Variants in CNTNAP2 observed in about 807,000 individuals in gnomAD.
The protein encoded by CNTNAP2 is contactin associated protein 2, also known as contactin-associated protein-like 2.
CNTNAP2 carries 98 observed loss-of-function variants against 155.2 expected under a neutral mutation model. That is an observed-to-expected ratio of 0.63 (90% CI 0.54 to 0.75). CNTNAP2 has a LOEUF of 0.75. CNTNAP2 is among the 30% of genes least tolerant of loss of function. The pLI, the probability that CNTNAP2 is intolerant of heterozygous loss-of-function variation, is 0.00. For missense variants in CNTNAP2, 1,727 were observed against 1,688.1 expected, an observed-to-expected ratio of 1.02 and a Z score of -0.40; for synonymous variants, 651 against 631.2, an observed-to-expected ratio of 1.03 and a Z score of -0.47.
At chr7:146,759,765 G>C (rs1011523126) in intron 1 of CNTNAP2, among the ~76,000 whole-genome samples, 3 of 150,656 alleles carry the variant, frequency 2.0e-5, no homozygotes, top group African/African-American at 4.9e-5. Context: ...AGTTATAAAT[G>C]GATGGGCATT....
At chr7:147,682,589 T>C (rs1228299812) in intron 13 of CNTNAP2, among the ~76,000 whole-genome samples, 2 of 151,918 alleles carry the variant, frequency 1.3e-5, no homozygotes, top group East Asian at 1.9e-4. Flanking sequence ...TGGTGCATAA[T>C]TGTCGGGTGA....
chr7:146,471,022 C>T (rs531732642), intron 1 of CNTNAP2, among the ~76,000 whole-genome samples: 4 of 152,102 alleles, frequency 2.6e-5, no homozygotes, highest in East Asian at 1.9e-4. Context: ...CTGTTTGTAA[C>T]GATACTTACA....
At chr7:148,208,408 T>A (rs1010893262) in intron 18 of CNTNAP2, among the ~76,000 whole-genome samples, 1 of 152,120 alleles carries the variant, frequency 6.6e-6, no homozygotes, top group African/African-American at 2.4e-5. Context: ...TTGGGAGTGA[T>A]GGAGATGAGG....
intron 15 of CNTNAP2, among the ~76,000 whole-genome samples, chr7:148,018,270 A>G (rs2116914633): frequency 6.6e-6 from 1 of 152,156 alleles, no homozygotes; most frequent in South Asian, 2.1e-4. Flanking sequence ...GTTTATGGGG[A>G]CTCTGTAAAT....
intron 3 of CNTNAP2, among the ~76,000 whole-genome samples, chr7:146,920,466 C>T (rs1021288198): frequency 6.6e-6 from 1 of 151,534 alleles, no homozygotes; most frequent in Non-Finnish European, 1.5e-5. Flanking sequence ...TTACCTTGAT[C>T]TAATCATGCC....
intron 11 of CNTNAP2, among the ~76,000 whole-genome samples, chr7:147,534,051 G>A (rs531533313): frequency 3.9e-5 from 6 of 152,258 alleles, no homozygotes; most frequent in East Asian, 1.9e-4. Flanking sequence ...TAGAATTTAC[G>A]CAATTCTCTA....
At chr7:146,596,595 C>CAGACAGAGAGAGAGAGAG (rs71165017) in intron 1 of CNTNAP2, among the ~76,000 whole-genome samples, 7 of 105,076 alleles carry the variant, frequency 6.7e-5, no homozygotes, top group South Asian at 7.8e-4. Flanking sequence ...AGAAGGGAGA[C>CAGACAGAGAGAGAGAGAG]AGAGAGAGAG....
intron 8 of CNTNAP2, among the ~76,000 whole-genome samples, chr7:147,135,263 A>T (rs1801455453): frequency 1.3e-5 from 2 of 151,834 alleles, no homozygotes; most frequent in South Asian, 2.1e-4. Context: ...ATTCAGTCAA[A>T]CTCAGTAGCC....
chr7:147,220,434 T>C (rs957530195), intron 8 of CNTNAP2, among the ~76,000 whole-genome samples: 9 of 152,204 alleles, frequency 5.9e-5, no homozygotes, highest in East Asian at 1.9e-4. Flanking sequence ...ATTCTGACAA[T>C]CTCTATCTTT....
chr7:147,284,165 T>C (rs921400959), intron 8 of CNTNAP2, among the ~76,000 whole-genome samples: 1 of 151,648 alleles, frequency 6.6e-6, no homozygotes. Flanking sequence ...AATAACGTGT[T>C]TTTTTCCCCC....
At chr7:148,323,294 C>CTTTTTTT (rs60109355) in intron 21 of CNTNAP2, among the ~76,000 whole-genome samples, 4 of 49,466 alleles carry the variant, frequency 8.1e-5, no homozygotes, top group African/African-American at 1.7e-4. Flanking sequence ...TTATGGATTT[C>CTTTTTTT]TTTTTTTTTT....
At chr7:146,815,792 G>A (rs1257641182) in intron 2 of CNTNAP2, among the ~76,000 whole-genome samples, 1 of 152,060 alleles carries the variant, frequency 6.6e-6, no homozygotes, top group Non-Finnish European at 1.5e-5. Flanking sequence ...TAAGTTCTAG[G>A]GTAGATGTGC....
At chr7:146,488,048 C>T (rs1357798983) in intron 1 of CNTNAP2, among the ~76,000 whole-genome samples, 1 of 152,168 alleles carries the variant, frequency 6.6e-6, no homozygotes, top group Non-Finnish European at 1.5e-5. Context: ...TTAGCCCACT[C>T]TTCAGAGGTC....
intron 13 of CNTNAP2, chr7:147,831,665 G>A (rs1798546293): frequency 6.6e-6 from 1 of 152,142 alleles, no homozygotes; most frequent in Non-Finnish European, 1.5e-5. Flanking sequence ...TTAACATACA[G>A]GAAGCAAAAG....
intron 1 of CNTNAP2, among the ~76,000 whole-genome samples, chr7:146,205,955 C>T (rs1053471575): frequency 2.6e-5 from 4 of 151,866 alleles, no homozygotes; most frequent in Non-Finnish European, 4.4e-5. Context: ...CAGGAAAAAG[C>T]AGGCTCCTAT....
At chr7:147,113,386 C>A (rs1197024249) in intron 5 of CNTNAP2, among the ~76,000 whole-genome samples, 1 of 151,578 alleles carries the variant, frequency 6.6e-6, no homozygotes. Flanking sequence ...TTTCAAAAAA[C>A]CAGTGTATTA....
At chr7:147,528,026 G>A (rs1360954206) in intron 11 of CNTNAP2, among the ~76,000 whole-genome samples, 2 of 152,152 alleles carry the variant, frequency 1.3e-5, no homozygotes, top group South Asian at 2.1e-4. Context: ...ATGCTGGGAC[G>A]TTATTCACTG....
intron 17 of CNTNAP2, among the ~76,000 whole-genome samples, chr7:148,162,513 G>A (rs1339105822): frequency 6.6e-6 from 1 of 152,196 alleles, no homozygotes; most frequent in Non-Finnish European, 1.5e-5. Flanking sequence ...AGTGGCCAAA[G>A]CCCATAACTG....
At chr7:146,615,764 G>A (rs191577416) in intron 1 of CNTNAP2, among the ~76,000 whole-genome samples, 1 of 152,296 alleles carries the variant, frequency 6.6e-6, no homozygotes, top group South Asian at 2.1e-4. Context: ...CCTTGGTGGG[G>A]AGAAACCTGA....
Sources: gnomAD v4.1 joint callset for allele counts (sites outside exome capture counted in the v4.1 genomes callset) on GRCh38, gnomAD v4.1.1 for gene constraint, MANE v1.5 for transcripts, NCBI Gene and HGNC (gene_info 2026-07-23, HGNC 2026-07-21) for gene names.